The following WAC variants were observed in gnomAD, a reference collection of about 807,000 sequenced individuals.
The protein encoded by WAC is WW domain-containing adapter protein with coiled-coil.
A neutral mutation model predicts 79.6 loss-of-function variants in WAC; 11 were observed. The ratio of observed to expected loss-of-function variants is 0.14; its 90% CI spans 0.09 to 0.23. WAC has a LOEUF of 0.23. Ranked by LOEUF, WAC falls within the 10% of genes least tolerant of loss-of-function variation. WAC has a pLI of 1.00. For synonymous variants in WAC, 304 were observed against 276.9 expected (o/e 1.10, Z -0.97); for missense variants, 728 against 773.5 (o/e 0.94, Z 0.70).
chr10:28,584,538 A>G lies in WAC; in HGVS notation c.381+1033A>G, dbSNP rs941261228. ...TCAGTAAAATAACATCATATTTGCA[A>G]TTTAAAAAATTATCTCGGGTAGCAG... On this transcript the variant is annotated intron_variant, in intron 4 of 13. Transcript: ENST00000354911. Among the ~76,000 whole-genome samples, 27 of 152,286 alleles carry G rather than the reference A, an allele frequency of 1.8e-4. 1 individual carries two copies. In the South Asian group the frequency reaches 1.9e-3, roughly 11 times the overall value.
intron 3 of WAC, among the ~76,000 whole-genome samples, chr10:28,538,890 A>T (rs1789475929): frequency 2.6e-5 from 4 of 151,490 alleles, no homozygotes; most frequent in African/African-American, 4.8e-5. Context: ...AAAAAGAAAA[A>T]AATTAATGTA....
At chr10:28,534,297 C>T (rs1316366705) in intron 2 of WAC, 3 of 400,318 alleles carry the variant, frequency 7.5e-6, no homozygotes, top group Non-Finnish European at 1.3e-5. Flanking sequence ...AGACCTGACT[C>T]GATTATTTGA....
chr10:28,576,107 A>G (rs138867004), intron 3 of WAC, among the ~76,000 whole-genome samples: 1 of 152,350 alleles, frequency 6.6e-6, no homozygotes, highest in Non-Finnish European at 1.5e-5. Flanking sequence ...TGTTTGCACA[A>G]CAAAATTGCT....
intron 3 of WAC, among the ~76,000 whole-genome samples, chr10:28,556,896 T>G (rs1838028544): frequency 6.6e-6 from 1 of 152,196 alleles, no homozygotes; most frequent in South Asian, 2.1e-4. Context: ...TTGGGTGTTC[T>G]GTTGCATTGG....
chr10:28,541,457 C>A, intron 3 of WAC, among the ~76,000 whole-genome samples: 1 of 115,082 alleles, frequency 8.7e-6, no homozygotes, highest in East Asian at 2.9e-4. Flanking sequence ...AAGACAGTCT[C>A]ACTCTGTACC....
In WAC at chr10:28,608,303, C is replaced by G. The variant is rs1841058790; in HGVS notation, c.1037C>G (p.Ser346Cys). 1 of 1,614,228 alleles carries G rather than the reference C, an allele frequency of 6.2e-7. No homozygotes were observed. Among genetic ancestry groups the G allele is most frequent in the Non-Finnish European group, 8.5e-7 (1 of 1,180,030 alleles). ...PPTSASAVPV[S>C]PVPQSPIPPL... ...ACATCTGCTTCAGCGGTCCCTGTTT[C>G]TCCTGTTCCACAGTCGCCAATACCT... is the stretch of plus-strand genomic sequence containing the variant. Residue 346 changes from serine to cysteine, a missense_variant, in exon 8 of 14, where the codon TCT becomes TGT. Around this residue, in one of 3 missense-constraint regions of WAC, gnomAD observed 648 missense variants for 661.5 expected, o/e 0.98. Coordinates refer to ENST00000354911, the MANE Select transcript of WAC (RefSeq NM_016628.5).
chr10:28,590,884 A>AT (rs1461783251), intron 6 of WAC, 52 bp downstream of exon 6: 2 of 1,381,888 alleles, frequency 1.4e-6, no homozygotes, highest in East Asian at 4.8e-5. Flanking sequence ...ATTCGTATTT[A>AT]TTTTTCAAAT....
At chr10:28,591,534 G>A (rs1189287652) in intron 6 of WAC, 1 of 152,062 alleles carries the variant, frequency 6.6e-6, no homozygotes, top group Admixed American at 6.6e-5. Context: ...TTTATTAAAG[G>A]TATTCTATTT....
chr10:28,605,871 T>G (rs1346072825), intron 7 of WAC, among the ~76,000 whole-genome samples: 1 of 152,162 alleles, frequency 6.6e-6, no homozygotes, highest in East Asian at 1.9e-4. Flanking sequence ...CAGGGGGATA[T>G]TAATACTAGT....
chr10:28,549,625 AC>A (rs1820588938), intron 3 of WAC, among the ~76,000 whole-genome samples: 1 of 152,208 alleles, frequency 6.6e-6, no homozygotes, highest in Non-Finnish European at 1.5e-5. Flanking sequence ...AAAATTAACT[AC>A]AAATTTAAAC....
At chr10:28,608,488 G>C in intron 8 of WAC, 57 bp downstream of exon 8, 2 of 1,463,820 alleles carry the variant, frequency 1.4e-6, no homozygotes, top group Non-Finnish European at 1.8e-6. Context: ...AGTTATGTAA[G>C]TAGTAAAATC....
At chr10:28,601,837 A>G (rs1840663410) in intron 7 of WAC, among the ~76,000 whole-genome samples, 1 of 152,146 alleles carries the variant, frequency 6.6e-6, no homozygotes, top group Non-Finnish European at 1.5e-5. Context: ...GGTACCCAGA[A>G]TGGTCAAATT....
At chr10:28,614,436 A>T in intron 10 of WAC, 131 bp from the exon 11 acceptor site, 1 of 711,294 alleles carries the variant, frequency 1.4e-6, no homozygotes, top group Non-Finnish European at 2.4e-6. Flanking sequence ...GGCCATTTTC[A>T]CAAAGAAATG....
At chr10:28,581,498 A>G (rs1208505621) in intron 3 of WAC, among the ~76,000 whole-genome samples, 2 of 152,050 alleles carry the variant, frequency 1.3e-5, no homozygotes, top group African/African-American at 4.8e-5. Context: ...TTCTAAAGAT[A>G]GCAGTCTCTG....
intron 7 of WAC, among the ~76,000 whole-genome samples, chr10:28,602,205 T>A (rs1322510778): frequency 6.6e-6 from 1 of 152,188 alleles, no homozygotes; most frequent in Non-Finnish European, 1.5e-5. Context: ...GTCTTGCTAG[T>A]AGGGGATGTC....
At chr10:28,583,629 C>T in intron 4 of WAC, 124 bp downstream of exon 4, 1 of 655,750 alleles carries the variant, frequency 1.5e-6, no homozygotes, top group East Asian at 2.9e-5. Context: ...GTTTCAATCA[C>T]AGTCTTAATG....
At chr10:28,536,719 C>T (rs572915599) in intron 3 of WAC, among the ~76,000 whole-genome samples, 4 of 152,260 alleles carry the variant, frequency 2.6e-5, no homozygotes, top group African/African-American at 7.2e-5. Flanking sequence ...AATAAGTAAA[C>T]AAAACCAATT....
chr10:28,604,645 C>T (rs546239701), intron 7 of WAC, among the ~76,000 whole-genome samples: 1 of 152,104 alleles, frequency 6.6e-6, no homozygotes, highest in East Asian at 1.9e-4. Context: ...CACTTGAACC[C>T]GGAGGCAGAG....
At chr10:28,611,305 A>G (rs1453233082) in intron 9 of WAC, 1 of 1,292,978 alleles carries the variant, frequency 7.7e-7, no homozygotes, top group Non-Finnish European at 1.0e-6. Context: ...ACATAGGAGC[A>G]AATGGGAAGT....
Sources: allele counts gnomAD v4.1 joint callset (sites outside exome capture counted in the v4.1 genomes callset), GRCh38; gene constraint gnomAD v4.1.1; regional missense constraint gnomAD v4.1.1; transcripts MANE v1.5; gene names NCBI Gene and HGNC (gene_info 2026-07-23, HGNC 2026-07-21).